Variants in NPFFR2 observed in about 807,000 individuals in gnomAD.
The protein encoded by NPFFR2 is G-protein coupled receptor 74.
A neutral mutation model predicts 13.1 loss-of-function variants in NPFFR2; 15 were observed. That is an observed-to-expected ratio of 1.15 (90% CI 0.77 to 1.76). The LOEUF (loss-of-function observed/expected upper bound fraction) is 1.76. NPFFR2 is among the 40% of genes most tolerant of loss of function. NPFFR2 has a pLI of 0.00. For missense variants in NPFFR2, 572 were observed against 503.5 expected (o/e 1.14, Z -1.30); for synonymous variants, 190 against 175.7 (o/e 1.08, Z -0.65).
In NPFFR2 at chr4:72,111,747, T is replaced by C. The variant is rs79325811; in HGVS notation, c.-7-16838T>C. On this transcript the variant is annotated intron_variant, in intron 1 of 3. Coordinates refer to ENST00000308744, the MANE Select transcript of NPFFR2 (RefSeq NM_004885.3). ...CCAACAAAAACGGAAAAAGGGAACATTCTCTATTAGCACATAATATCTATC... is the reference window on the plus strand; with the variant it reads ...CCAACAAAAACGGAAAAAGGGAACACTCTCTATTAGCACATAATATCTATC... 2.3e-3 allele frequency among the ~76,000 whole-genome samples: 351 copies of C among 152,112 alleles called. 12 individuals carry two copies. The East Asian group carries it at 0.053, about 23-fold the overall frequency.
At chr4:72,037,934 G>C (rs1374658644) in intron 1 of NPFFR2, among the ~76,000 whole-genome samples, 3 of 152,116 alleles carry the variant, frequency 2.0e-5, no homozygotes, top group Admixed American at 2.0e-4. Context: ...TTGATATTTT[G>C]ATTATCTAGG....
chr4:72,068,978 T>C (rs927419761), intron 1 of NPFFR2: 1 of 1,432,938 alleles, frequency 7.0e-7, no homozygotes, highest in South Asian at 1.4e-5. Flanking sequence ...ATCAAAAAGA[T>C]TGAATGTCTT....
intron 1 of NPFFR2, among the ~76,000 whole-genome samples, chr4:72,113,226 G>A (rs568631777): frequency 6.6e-5 from 10 of 152,126 alleles, no homozygotes; most frequent in African/African-American, 1.2e-4. Flanking sequence ...GAAAGAAAAG[G>A]CTCACAGCAA....
intron 1 of NPFFR2, among the ~76,000 whole-genome samples, chr4:72,073,196 A>G (rs191415880): frequency 3.4e-3 from 517 of 152,170 alleles, no homozygotes; most frequent in Middle Eastern, 6.8e-3. Context: ...TAACTAAAAA[A>G]GTATAATTAG....
chr4:72,055,084 A>T (rs1156990697), intron 1 of NPFFR2, among the ~76,000 whole-genome samples: 2 of 152,000 alleles, frequency 1.3e-5, no homozygotes, highest in Non-Finnish European at 2.9e-5. Flanking sequence ...AATGAATCTT[A>T]AAAAGCATTA....
intron 1 of NPFFR2, among the ~76,000 whole-genome samples, chr4:72,076,354 A>C (rs548126940): frequency 3.9e-5 from 6 of 152,066 alleles, no homozygotes; most frequent in Non-Finnish European, 8.8e-5. Flanking sequence ...TTTCATCTAT[A>C]TTATATATAA....
At chr4:72,056,510 C>T (rs1224830289) in intron 1 of NPFFR2, among the ~76,000 whole-genome samples, 1 of 152,010 alleles carries the variant, frequency 6.6e-6, no homozygotes, top group Non-Finnish European at 1.5e-5. Context: ...CCTGCTAATA[C>T]AACATACATT....
intron 1 of NPFFR2, among the ~76,000 whole-genome samples, chr4:72,094,386 ATCAG>A: frequency 6.6e-6 from 1 of 152,228 alleles, no homozygotes; most frequent in Middle Eastern, 3.4e-3. Flanking sequence ...TTGGCCTAGG[ATCAG>A]GCGGTGTGTG....
At chr4:72,068,416 T>G (rs9884758) in intron 1 of NPFFR2, among the ~76,000 whole-genome samples, 136,975 of 152,218 alleles carry the variant, frequency 0.9, 62,585 homozygotes, top group Non-Finnish European at 0.98. Flanking sequence ...TCCCATTTAT[T>G]AGAAAAGAGC....
At chr4:72,047,116 TAATAA>T (rs909113285) in intron 1 of NPFFR2, among the ~76,000 whole-genome samples, 2 of 151,316 alleles carry the variant, frequency 1.3e-5, no homozygotes, top group Non-Finnish European at 3.0e-5. Context: ...AAAGATTGTA[TAATAA>T]AATAAGAAAC....
At chr4:72,098,946 T>TA (rs1260437256) in intron 1 of NPFFR2, among the ~76,000 whole-genome samples, 1 of 152,174 alleles carries the variant, frequency 6.6e-6, no homozygotes, top group Non-Finnish European at 1.5e-5. Context: ...CCTGTCTGCC[T>TA]AGGAGGAGAA....
rs1038417584 is a variant in NPFFR2 at position 72,147,893 on chromosome 4, T to A, written c.*81T>A. On this transcript the variant is annotated 3_prime_UTR_variant, in exon 4 of 4. Transcript: ENST00000308744. The stretch of plus-strand genomic sequence containing the variant: ...GCTTTTTGTGGCTTTGCACTTCAAA[T>A]TTTTCAAAGAATGTTCTAAATAAAA... 7.4e-6 allele frequency: 8 copies of A among 1,077,702 alleles called. No homozygotes were observed. Among genetic ancestry groups the A allele is most frequent in the South Asian group, 2.0e-5 (1 of 50,794 alleles). 66.8% of individuals were successfully genotyped at this position (1,077,702 alleles called of 1,614,324 possible). A position where few individuals can be genotyped will look rare whatever the true frequency, so the allele number is the denominator to read the frequency against.
chr4:72,115,386 T>C (rs1721684540), intron 1 of NPFFR2, among the ~76,000 whole-genome samples: 1 of 152,168 alleles, frequency 6.6e-6, no homozygotes, highest in South Asian at 2.1e-4. Flanking sequence ...ATCATTAATC[T>C]TTTAAATTTT....
rs10012432 is a variant in NPFFR2, at chr4:72,055,114, T to A, written c.-8+22914T>A. Among the ~76,000 whole-genome samples, 8 of 151,926 alleles carry A rather than the reference T, an allele frequency of 5.3e-5. No homozygotes were observed. In the East Asian group the frequency reaches 1.2e-3, roughly 22 times the overall value. ...GCATTAGACTAAGTAGAAGAAAATC[T>A]TAATATCCACATACAGGTATACCTC... On this transcript the variant is annotated intron_variant, in intron 1 of 3. Transcript: ENST00000308744.
chr4:72,119,612 G>T (rs917474258), intron 1 of NPFFR2, among the ~76,000 whole-genome samples: 1 of 152,300 alleles, frequency 6.6e-6, no homozygotes, highest in South Asian at 2.1e-4. Flanking sequence ...TAGACAGTGG[G>T]TGCAGCCCAC....
chr4:72,147,659 T>G lies in NPFFR2; in HGVS notation c.1110T>G (p.His370Gln). The G allele has an allele frequency of 6.2e-7, 1 of 1,614,158 alleles. No homozygotes were observed. The highest frequency in any genetic ancestry group is 1.3e-5 in the African/African-American group (1 of 75,044). ...CTTATGCCCTAAAAGCTAAAAGCCA[T>G]GTGCTCATAAACACATCTAATCAGC... Reference protein sequence around the residue: ...MEAYALKAKSHVLINTSNQLV... With the variant: ...MEAYALKAKSQVLINTSNQLV... The change falls in exon 4 of 4, where the codon CAT becomes CAG. Residue 370 changes from histidine (H) to glutamine (Q), a missense_variant. Coordinates refer to ENST00000308744, the MANE Select transcript of NPFFR2 (RefSeq NM_004885.3).
intron 1 of NPFFR2, among the ~76,000 whole-genome samples, chr4:72,075,015 T>A (rs1720384081): frequency 6.6e-6 from 1 of 152,140 alleles, no homozygotes. Context: ...GAGTGTCAAT[T>A]TGATTGGATT....
At chr4:72,050,214 T>C (rs1719502019) in intron 1 of NPFFR2, among the ~76,000 whole-genome samples, 1 of 152,050 alleles carries the variant, frequency 6.6e-6, no homozygotes, top group Non-Finnish European at 1.5e-5. Context: ...ATCTCCAAAC[T>C]ATACAAACCA....
At chr4:72,102,377 A>AATT (rs143113118) in intron 1 of NPFFR2, among the ~76,000 whole-genome samples, 2 of 151,794 alleles carry the variant, frequency 1.3e-5, no homozygotes, top group East Asian at 1.9e-4. Flanking sequence ...TGAATGAGGA[A>AATT]ATTATTATTA....
Sources: allele counts gnomAD v4.1 joint callset (sites outside exome capture counted in the v4.1 genomes callset), GRCh38; gene constraint gnomAD v4.1.1; transcripts MANE v1.5; gene names NCBI Gene and HGNC (gene_info 2026-07-23, HGNC 2026-07-21).